Variants in ORC6 observed in about 807,000 individuals in gnomAD.
ORC6 encodes origin recognition complex, subunit 6 homolog-like (yeast).
ORC6 carries 31 observed loss-of-function variants against 30.0 expected under a neutral mutation model. The observed-to-expected ratio is 1.03, with a 90% confidence interval of 0.78 to 1.40. The LOEUF is 1.40. ORC6 is among the 40% of genes most tolerant of loss of function. ORC6 has a pLI of 0.00. For synonymous variants in ORC6, 136 were observed against 111.2 expected, an observed-to-expected ratio of 1.22 and a Z score of -1.40; for missense variants, 340 against 304.3, an observed-to-expected ratio of 1.12 and a Z score of -0.87.
rs371851757 is a variant in ORC6 at position 46,695,675 on chromosome 16, G to A, written c.562+1G>A. 1.3e-6 allele frequency: 2 copies of A among 1,567,682 alleles called. No homozygotes were observed. Among genetic ancestry groups the A allele is most frequent in the African/African-American group, 1.4e-5 (1 of 73,994 alleles). On this transcript the variant is annotated splice_donor_variant, in intron 5 of 6. Transcript: ENST00000219097. LOFTEE classifies it high-confidence loss of function. The stretch of plus-strand genomic sequence containing the variant: ...GAGAAGATTGGACAGCAGGTCGACA[G>A]TAAGTATTCTGTAGTTCAAGAATGC...
Position 46,697,434 on chromosome 16 carries a change from T to C in ORC6, c.632-24T>C, listed in dbSNP as rs201092621. On this transcript the variant is annotated intron_variant, in intron 6 of 6. Coordinates refer to ENST00000219097, the MANE Select transcript of ORC6 (RefSeq NM_014321.4). Reference sequence around the variant, plus strand: ...CATTTCTAAGCTAAGAATTTTGAAATTGCTTTTGATAATTTTCTGTCAGAA... The same window carrying C: ...CATTTCTAAGCTAAGAATTTTGAAACTGCTTTTGATAATTTTCTGTCAGAA... 136 of 1,602,996 alleles carry C rather than the reference T, an allele frequency of 8.5e-5. No individual in the cohort carries two copies. In the Admixed American group the frequency reaches 2.2e-3, roughly 26 times the overall value.
In ORC6 at chr16:46,698,218, C is replaced by A. The variant is rs567303266; in HGVS notation, c.*633C>A. The A allele has an allele frequency of 5.3e-6, 2 of 380,180 alleles. No individual in the cohort carries two copies. Among genetic ancestry groups the A allele is most frequent in the Non-Finnish European group, 5.3e-6 (1 of 189,454 alleles). 23.6% of individuals were successfully genotyped at this position (380,180 alleles called of 1,614,324 possible). A position where few individuals can be genotyped will look rare whatever the true frequency, so the allele number is the denominator to read the frequency against. On this transcript the variant is annotated 3_prime_UTR_variant, in exon 7 of 7. Coordinates refer to ENST00000219097, the MANE Select transcript of ORC6 (RefSeq NM_014321.4). ...ATAGATAGATAGATAGATAGATAAA[C>A]GGAATTGGAGCCATTTTGCTTTAAG...
intron 6 of ORC6, among the ~76,000 whole-genome samples, chr16:46,696,945 A>G (rs1244663090): frequency 1.3e-5 from 2 of 152,142 alleles, no homozygotes; most frequent in African/African-American, 4.8e-5. Flanking sequence ...ATGAGCCACT[A>G]TGCCCAACCA....
At position 46,690,971 on chromosome 16, in the gene ORC6, C is replaced by T. The variant is rs770476185; in HGVS notation, c.66-20C>T. 6.2e-7 allele frequency: 1 copy of T among 1,614,034 alleles called. No homozygotes were observed. Among genetic ancestry groups the T allele is most frequent in the South Asian group, 1.1e-5 (1 of 91,084 alleles). On this transcript the variant is annotated intron_variant, in intron 1 of 6. Transcript: ENST00000219097. Reference sequence around the variant, plus strand: ...AAACTTCTGAATAAGTTGTAGCGAACACACTGCCCTTTTAACCAGGAAAGC... The same window carrying T: ...AAACTTCTGAATAAGTTGTAGCGAATACACTGCCCTTTTAACCAGGAAAGC...
rs947602114 is a variant in ORC6, at chr16:46,698,128, A to G, written c.*543A>G. The stretch of plus-strand genomic sequence containing the variant: ...AGACTTATCTCATAAATAAATAGAT[A>G]GATACTCCAGCCTGGGTGACAGAGC... On this transcript the variant is annotated 3_prime_UTR_variant, in exon 7 of 7. Coordinates refer to ENST00000219097, the MANE Select transcript of ORC6 (RefSeq NM_014321.4). The G allele has an allele frequency of 1.6e-5, 7 of 434,798 alleles. No homozygotes were observed. Among genetic ancestry groups the G allele is most frequent in the Admixed American group, 1.2e-4 (5 of 40,894 alleles). The allele number at this position is 434,798 out of a possible 1,614,324, so 26.9% of individuals were successfully genotyped here. A position where few individuals can be genotyped will look rare whatever the true frequency, so the allele number is the denominator to read the frequency against.
intron 3 of ORC6, 96 bp from the exon 4 acceptor site, chr16:46,692,997 A>AT: frequency 2.4e-6 from 2 of 833,620 alleles, no homozygotes; most frequent in South Asian, 2.7e-5. Flanking sequence ...CAGCACACAT[A>AT]TCCATTTTAA....
At position 46,692,429 on chromosome 16, in the gene ORC6, CTG is replaced by C. The variant is rs1189266340; in HGVS notation, c.245_246del (p.Cys82SerfsTer2). On this transcript the variant is annotated frameshift_variant, in exon 3 of 7. Transcript: ENST00000219097. LOFTEE classifies it high-confidence loss of function. ...SGLNKETYQS[C>X]LKSFECLLGL... ...GTTTGAACAAGGAGACATATCAGAGCTGTCTTAAATCTTTTGAGTGTTTACTG... is the reference window on the plus strand; with the variant it reads ...GTTTGAACAAGGAGACATATCAGAGCTCTTAAATCTTTTGAGTGTTTACTG... 6.2e-7 allele frequency: 1 copy of C among 1,613,444 alleles called. No individual in the cohort carries two copies. The highest frequency in any genetic ancestry group is 1.7e-5 in the Admixed American group (1 of 60,006).
chr16:46,690,746 G>A, intron 1 of ORC6: 1 of 550,204 alleles, frequency 1.8e-6, no homozygotes, highest in South Asian at 1.9e-5. Context: ...GAGGAAAGAA[G>A]GGTAATTTTT....
chr16:46,690,877 C>T, intron 1 of ORC6, 114 bp from the exon 2 acceptor site: 6 of 1,090,288 alleles, frequency 5.5e-6, no homozygotes, highest in South Asian at 3.8e-5. Context: ...CCCAGATAAA[C>T]GAGCCACAGG....
intron 2 of ORC6, among the ~76,000 whole-genome samples, chr16:46,691,956 A>ACC (rs779757463): frequency 2.1e-4 from 1 of 4,848 alleles, no homozygotes. Context: ...ACACACACAC[A>ACC]CACTCTCTCT....
chr16:46,689,686 T>TGC lies in ORC6; in HGVS notation c.-20_-19insGC, dbSNP rs774303581. 6.9e-6 allele frequency: 11 copies of TGC among 1,593,644 alleles called. No homozygotes were observed. Among genetic ancestry groups the TGC allele is most frequent in the Middle Eastern group, 3.3e-4 (2 of 6,056 alleles). On this transcript the variant is annotated 5_prime_UTR_variant, in exon 1 of 7. Coordinates refer to ENST00000219097, the MANE Select transcript of ORC6 (RefSeq NM_014321.4). ...TGACCCGCGGCGTTCACGGGAATTGTTCGCTTTAGTGCCGGCGCCATGGGG... is the reference window on the plus strand; with the variant it reads ...TGACCCGCGGCGTTCACGGGAATTGTGCTCGCTTTAGTGCCGGCGCCATGGGG...
chr16:46,689,921 ACTT>A (rs1246257926), intron 1 of ORC6, 151 bp downstream of exon 1: 23 of 1,181,404 alleles, frequency 1.9e-5, no homozygotes, highest in East Asian at 2.8e-5. Context: ...TTCAAGAAAA[ACTT>A]CTCGGCCGTG....
At chr16:46,690,776 T>G (rs1412663704) in intron 1 of ORC6, 2 of 613,838 alleles carry the variant, frequency 3.3e-6, no homozygotes, top group Non-Finnish European at 5.9e-6. Context: ...TTTAACTTCC[T>G]TTTGCCTGAA....
intron 1 of ORC6, among the ~76,000 whole-genome samples, chr16:46,690,506 G>A (rs1326655124): frequency 1.3e-5 from 2 of 152,248 alleles, no homozygotes; most frequent in Admixed American, 1.3e-4. Context: ...TCCTGGACCA[G>A]CAACAGCCAT....
chr16:46,696,552 A>T (rs898025219), intron 6 of ORC6, among the ~76,000 whole-genome samples: 1 of 152,200 alleles, frequency 6.6e-6, no homozygotes, highest in Non-Finnish European at 1.5e-5. Flanking sequence ...TAAGAGCTTT[A>T]GCTACAAAGA....
chr16:46,691,137 G>T lies in ORC6; in HGVS notation c.195+17G>T. 1 of 1,613,396 alleles carries T rather than the reference G, an allele frequency of 6.2e-7. No individual in the cohort carries two copies. The highest frequency in any genetic ancestry group is 8.5e-7 in the Non-Finnish European group (1 of 1,179,360). ...TTGGACAGGGTAAGTAGGTCCCACCGAATGTCTGAATAATCCAGTGCAACA... is the reference window on the plus strand; with the variant it reads ...TTGGACAGGGTAAGTAGGTCCCACCTAATGTCTGAATAATCCAGTGCAACA... On this transcript the variant is annotated intron_variant, in intron 2 of 6. Coordinates refer to ENST00000219097, the MANE Select transcript of ORC6 (RefSeq NM_014321.4).
rs759085233 is a variant in ORC6 at position 46,693,139 on chromosome 16, T to C, written c.406T>C (p.Ser136Pro). The change falls in exon 4 of 7, where the codon TCC becomes CCC. Residue 136 changes from serine to proline, a missense_variant. By Grantham distance (74) the Ser-to-Pro change is moderately conservative. Transcript: ENST00000219097. ...GACACAGCAAGTGGATCTTGACTTA[T>C]CCAGGCCACTTTTCACTTCTGCTGC... is the stretch of plus-strand genomic sequence containing the variant. The part of the protein sequence containing the change: ...PQTQQVDLDL[S>P]RPLFTSAALL... The C allele has an allele frequency of 2.5e-5, 40 of 1,613,494 alleles. No homozygotes were observed. The highest frequency in any genetic ancestry group is 1.7e-5 in the Admixed American group (1 of 60,008).
Position 46,695,904 on chromosome 16 carries a change from T to C in ORC6, c.563-113T>C, listed in dbSNP as rs1004101222. The C allele has an allele frequency of 9.5e-6, 8 of 840,340 alleles. No individual in the cohort carries two copies. The Admixed American group carries it at 1.1e-4, about 12-fold the overall frequency. 52.1% of individuals were successfully genotyped at this position (840,340 alleles called of 1,614,324 possible). A position where few individuals can be genotyped will look rare whatever the true frequency, so the allele number is the denominator to read the frequency against. On this transcript the variant is annotated intron_variant, in intron 5 of 6. Transcript: ENST00000219097. ...AAAGAGAGGTCTAAGATCATTTCTC[T>C]TCTCCTCATATTTGATCAGTTAAGA...
chr16:46,691,368 T>A (rs1966435598), intron 2 of ORC6, among the ~76,000 whole-genome samples: 1 of 152,246 alleles, frequency 6.6e-6, no homozygotes, highest in Admixed American at 6.5e-5. Context: ...ACATTGCTGC[T>A]AGCATTACCC....
Sources: gnomAD v4.1 joint callset for allele counts (sites outside exome capture counted in the v4.1 genomes callset) on GRCh38, gnomAD v4.1.1 for gene constraint, MANE v1.5 for transcripts, NCBI Gene and HGNC (gene_info 2026-07-23, HGNC 2026-07-21) for gene names.